USP37: variants seen among roughly 807,000 people sequenced by gnomAD.
USP37 encodes ubiquitin specific peptidase 37.
In USP37, 27 loss-of-function variants were observed where a neutral mutation model predicts 124.0. That is an observed-to-expected ratio of 0.22 (90% CI 0.16 to 0.30). The LOEUF is 0.30. USP37 is among the 10% of genes least tolerant of loss of function. The probability of loss-of-function intolerance (pLI) is 1.00; values close to 1 mark genes in which losing one functional copy is unlikely to be tolerated. For missense variants in USP37, 889 were observed against 1,140.4 expected, an observed-to-expected ratio of 0.78 and a Z score of 3.17; for synonymous variants, 365 against 388.0, an observed-to-expected ratio of 0.94 and a Z score of 0.70.
At chr2:218,560,386 TAA>T (rs1693245484) in intron 3 of USP37, among the ~76,000 whole-genome samples, 1 of 152,182 alleles carries the variant, frequency 6.6e-6, no homozygotes, top group African/African-American at 2.4e-5. Flanking sequence ...TCTTTAACCA[TAA>T]GTTTTCTCAA....
At chr2:218,559,641 A>G (rs576901) in intron 3 of USP37, among the ~76,000 whole-genome samples, 100,717 of 152,000 alleles carry the variant, frequency 0.66, 33,810 homozygotes, top group East Asian at 0.9. Flanking sequence ...CAAATACTCA[A>G]GTTTCCTGAA....
Position 218,495,846 on chromosome 2 carries a change from T to C in USP37, c.1386A>G (p.Ser462=). 6.2e-7 allele frequency: 1 copy of C among 1,614,034 alleles called. No homozygotes were observed. The highest frequency in any genetic ancestry group is 8.5e-7 in the Non-Finnish European group (1 of 1,180,004). The change falls in exon 14 of 26, where the codon TCA becomes TCG. Residue 462 remains serine, a synonymous_variant. Coordinates refer to ENST00000258399, the MANE Select transcript of USP37 (RefSeq NM_020935.3). ...ATGCTCTGGTAGCTGAAATATCTGG[T>C]GAATTTTCTTCTCCAGAAACAGGTT... ...KTEPVSGEEN[S]PDISATRAYT...
At chr2:218,528,662 C>A (rs1428386463) in intron 10 of USP37, 8 of 419,880 alleles carry the variant, frequency 1.9e-5, no homozygotes, top group Non-Finnish European at 8.4e-6. Flanking sequence ...TTTTCTTTAT[C>A]CTGTCTATCA....
At chr2:218,516,786 T>C (rs907309647) in intron 10 of USP37, among the ~76,000 whole-genome samples, 7 of 140,150 alleles carry the variant, frequency 5.0e-5, no homozygotes, top group African/African-American at 1.9e-4. Context: ...GTACCCCCCC[T>C]AGTGGACTGA....
chr2:218,479,591 G>T (rs112175445), intron 18 of USP37, 59 bp downstream of exon 18: 28 of 1,429,236 alleles, frequency 2.0e-5, no homozygotes, highest in African/African-American at 2.8e-5. Flanking sequence ...CAATCTTGGA[G>T]ATTAGGGTAA....
chr2:218,504,007 G>C (rs908179571), intron 11 of USP37, among the ~76,000 whole-genome samples: 1 of 152,172 alleles, frequency 6.6e-6, no homozygotes, highest in Non-Finnish European at 1.5e-5. Context: ...AGACACAGCA[G>C]ACTTCAGAAA....
chr2:218,502,944 G>A (rs1689462831), intron 11 of USP37, among the ~76,000 whole-genome samples: 1 of 152,092 alleles, frequency 6.6e-6, no homozygotes, highest in Admixed American at 6.5e-5. Flanking sequence ...ACAAGATTAA[G>A]ACCGTAGGCT....
intron 20 of USP37, among the ~76,000 whole-genome samples, chr2:218,473,506 G>C (rs530582300): frequency 1.3e-5 from 2 of 152,236 alleles, no homozygotes; most frequent in African/African-American, 4.8e-5. Context: ...TGAGAATGTA[G>C]AAAATAATTT....
chr2:218,523,675 C>T (rs1358351150), intron 10 of USP37, among the ~76,000 whole-genome samples: 1 of 152,064 alleles, frequency 6.6e-6, no homozygotes, highest in Non-Finnish European at 1.5e-5. Flanking sequence ...GCCTTTGCCC[C>T]CTTAAGTACT....
At chr2:218,487,714 T>A (rs1691655889) in intron 15 of USP37, among the ~76,000 whole-genome samples, 1 of 152,056 alleles carries the variant, frequency 6.6e-6, no homozygotes, top group Admixed American at 6.6e-5. Context: ...CCACTGCGCC[T>A]GGCCAACAAA....
At chr2:218,460,089 T>TAC (rs1553537333) in intron 22 of USP37, among the ~76,000 whole-genome samples, 184 bp from the exon 23 acceptor site, 161 of 12,390 alleles carry the variant, frequency 0.013, no homozygotes, top group African/African-American at 0.042. Context: ...CTACTAAAAA[T>TAC]ACAAAAAAAA....
At chr2:218,456,684 C>G (rs370990134) in intron 24 of USP37, among the ~76,000 whole-genome samples, 1 of 151,728 alleles carries the variant, frequency 6.6e-6, no homozygotes, top group African/African-American at 2.4e-5. Context: ...ACTTATACTT[C>G]GTGGGCTGGG....
chr2:218,451,622 G>A lies in USP37; in HGVS notation c.*3308C>T, dbSNP rs1182951455. ...TAGTTACATAATGGTAACTACACAC[G>A]ATACAGAAGAATCAGTAAATTCATG... On this transcript the variant is annotated 3_prime_UTR_variant, in exon 26 of 26. Transcript: ENST00000258399. 6.6e-6 allele frequency: 1 copy of A among 151,902 alleles called. No individual in the cohort carries two copies. The highest frequency in any genetic ancestry group is 2.4e-5 in the African/African-American group (1 of 41,350). The allele number at this position is 151,902 out of a possible 1,614,324, so 9.4% of individuals were successfully genotyped here.
chr2:218,482,490 A>G (rs1691316548), intron 16 of USP37, among the ~76,000 whole-genome samples: 1 of 152,216 alleles, frequency 6.6e-6, no homozygotes, highest in Non-Finnish European at 1.5e-5. Flanking sequence ...ACACAAATAA[A>G]TAAAATATAG....
chr2:218,520,576 T>G lies in USP37; in HGVS notation c.863+9380A>C, dbSNP rs1013404395. ...CATGTTGGTCAGGCTTGTCTCAAAC[T>G]CCCGACCTCGGGTGATCGGCCCACC... On this transcript the variant is annotated intron_variant, in intron 10 of 25. Coordinates refer to ENST00000258399, the MANE Select transcript of USP37 (RefSeq NM_020935.3). 4.0e-5 allele frequency among the ~76,000 whole-genome samples: 6 copies of G among 151,766 alleles called. No individual in the cohort carries two copies. In the East Asian group the frequency reaches 1.2e-3, roughly 30 times the overall value.
At chr2:218,509,065 A>T (rs1689838155) in intron 11 of USP37, among the ~76,000 whole-genome samples, 1 of 152,232 alleles carries the variant, frequency 6.6e-6, no homozygotes, top group Non-Finnish European at 1.5e-5. Flanking sequence ...AACAAGCATT[A>T]AAAACATACA....
chr2:218,541,819 C>T (rs1177377923), intron 8 of USP37, among the ~76,000 whole-genome samples: 2 of 152,122 alleles, frequency 1.3e-5, no homozygotes, highest in African/African-American at 4.8e-5. Flanking sequence ...AACTATAGTA[C>T]CAACTCTTTT....
At chr2:218,487,819 T>C (rs1043814739) in intron 15 of USP37, among the ~76,000 whole-genome samples, 1 of 152,116 alleles carries the variant, frequency 6.6e-6, no homozygotes, top group Non-Finnish European at 1.5e-5. Flanking sequence ...TAATTAGATT[T>C]ATCAAGCTTT....
In USP37 at chr2:218,473,606, G is replaced by A. The variant is rs534745494; in HGVS notation, c.2299+1024C>T. ...CAATATATAGTTGTCTAGATCTTGGGGCTATCAAGAGAGAAAAATTTGAAC... is the reference window on the plus strand; with the variant it reads ...CAATATATAGTTGTCTAGATCTTGGAGCTATCAAGAGAGAAAAATTTGAAC... On this transcript the variant is annotated intron_variant, in intron 20 of 25. Transcript: ENST00000258399. Among the ~76,000 whole-genome samples the A allele has an allele frequency of 9.2e-5, 14 of 151,984 alleles. No homozygotes were observed. In the South Asian group the frequency reaches 2.9e-3, roughly 32 times the overall value.
Sources: gnomAD v4.1 joint callset for allele counts (sites outside exome capture counted in the v4.1 genomes callset) on GRCh38, gnomAD v4.1.1 for gene constraint, MANE v1.5 for transcripts, NCBI Gene and HGNC (gene_info 2026-07-23, HGNC 2026-07-21) for gene names.